Variants in PTPRM observed in about 807,000 individuals in gnomAD.
PTPRM encodes the protein receptor-type tyrosine-protein phosphatase mu.
A neutral mutation model predicts 186.7 loss-of-function variants in PTPRM; 47 were observed. That is an observed-to-expected ratio of 0.25 (90% CI 0.20 to 0.32). The LOEUF (loss-of-function observed/expected upper bound fraction) is 0.32. PTPRM is among the 10% of genes least tolerant of loss of function. The pLI, the probability that PTPRM is intolerant of heterozygous loss-of-function variation, is 1.00. For missense variants in PTPRM, 1,494 were observed against 1,865.0 expected (o/e 0.80, Z 3.66); for synonymous variants, 668 against 674.9 (o/e 0.99, Z 0.16).
rs1176516821 is a variant in PTPRM, at chr18:8,378,251, A to G, written c.3463-14A>G. 3.7e-6 allele frequency: 6 copies of G among 1,603,664 alleles called. No homozygotes were observed. The highest frequency in any genetic ancestry group is 1.7e-5 in the Admixed American group (1 of 59,710). On this transcript the variant is annotated splice_polypyrimidine_tract_variant and intron_variant, in intron 26 of 32. Coordinates refer to ENST00000580170, the MANE Select transcript of PTPRM (RefSeq NM_001105244.2). ...TTCTCTAAAGTTAGTAACTCGTTCCATCTCCTTCTCCAGGAGCAGTATGTG... is the reference window on the plus strand; with the variant it reads ...TTCTCTAAAGTTAGTAACTCGTTCCGTCTCCTTCTCCAGGAGCAGTATGTG...
chr18:7,567,634 T>C lies in PTPRM; in HGVS notation c.-185T>C, dbSNP rs867822723. ...CAGGGGAGGAGGACCCAGGACCCTG[T>C]GCCCGCGCCCCTGGAGCCGCTGGAG... On this transcript the variant is annotated 5_prime_UTR_variant, in exon 1 of 33. Coordinates refer to ENST00000580170, the MANE Select transcript of PTPRM (RefSeq NM_001105244.2). The surrounding 1 kb of genome is among the most constrained non-coding windows in gnomAD (Gnocchi z 4.3). 3.9e-6 allele frequency: 2 copies of C among 517,864 alleles called. No individual in the cohort carries two copies. Among genetic ancestry groups the C allele is most frequent in the Middle Eastern group, 1.0e-3 (2 of 2,008 alleles). The allele number at this position is 517,864 out of a possible 1,614,324, so 32.1% of individuals were successfully genotyped here.
chr18:8,259,575 G>T (rs2094606973), intron 19 of PTPRM, among the ~76,000 whole-genome samples: 1 of 149,258 alleles, frequency 6.7e-6, no homozygotes. Context: ...TGCTGCCTTT[G>T]TCTATATTTG....
chr18:8,228,637 C>T (rs907361162), intron 14 of PTPRM, among the ~76,000 whole-genome samples: 29 of 148,028 alleles, frequency 2.0e-4, no homozygotes, highest in African/African-American at 6.7e-4. Flanking sequence ...GTCAGGAGAT[C>T]GATACCATCC....
In PTPRM at chr18:7,752,755, A is replaced by G. The variant is rs865845468; in HGVS notation, c.74-21394A>G. Among the ~76,000 whole-genome samples the G allele has an allele frequency of 2.8e-4, 43 of 152,102 alleles. No individual in the cohort carries two copies. The South Asian group carries it at 2.9e-3, about 10-fold the overall frequency. ...CCGTGCCTGGCCAATTTTAGATTTT[A>G]TTAATGTTAGACATAGACTCGTGTG... On this transcript the variant is annotated intron_variant, in intron 1 of 32. Coordinates refer to ENST00000580170, the MANE Select transcript of PTPRM (RefSeq NM_001105244.2).
intron 14 of PTPRM, among the ~76,000 whole-genome samples, chr18:8,147,643 T>A (rs2146183793): frequency 6.6e-6 from 1 of 152,208 alleles, no homozygotes; most frequent in East Asian, 1.9e-4. Context: ...TATTTCTTTC[T>A]CTTGCCTGAT....
intron 3 of PTPRM, 91 bp from the exon 4 acceptor site, chr18:7,906,414 A>G (rs868757340): frequency 1.0e-6 from 1 of 972,638 alleles, no homozygotes; most frequent in South Asian, 1.4e-5. Context: ...TGGTGAAAGA[A>G]TAAACGAAAT....
At chr18:8,309,466 G>C (rs1196566838) in intron 20 of PTPRM, among the ~76,000 whole-genome samples, 4 of 151,956 alleles carry the variant, frequency 2.6e-5, no homozygotes, top group African/African-American at 9.7e-5. Context: ...TTTCATAGAA[G>C]TGTGCACACA....
At chr18:8,245,961 A>C (rs2094473279) in intron 15 of PTPRM, among the ~76,000 whole-genome samples, 1 of 152,224 alleles carries the variant, frequency 6.6e-6, no homozygotes, top group African/African-American at 2.4e-5. Context: ...TGCAGAGGCC[A>C]ACGGAGCTTC....
At chr18:8,375,493 C>A (rs530449435) in intron 24 of PTPRM, among the ~76,000 whole-genome samples, 2 of 152,328 alleles carry the variant, frequency 1.3e-5, no homozygotes, top group African/African-American at 4.8e-5. Context: ...AGCTCTCTGA[C>A]CTGTCTAGTT....
At chr18:7,634,664 A>T (rs2038271123) in intron 1 of PTPRM, among the ~76,000 whole-genome samples, 1 of 152,172 alleles carries the variant, frequency 6.6e-6, no homozygotes. Context: ...ATTTGTGAAC[A>T]TCTTTCTCTT....
intron 2 of PTPRM, among the ~76,000 whole-genome samples, chr18:7,882,047 T>C (rs2048534560): frequency 6.6e-6 from 1 of 152,230 alleles, no homozygotes; most frequent in Non-Finnish European, 1.5e-5. Flanking sequence ...CTATATTGTT[T>C]ACTCTTTGCT....
At chr18:8,042,179 T>C (rs1452943733) in intron 7 of PTPRM, among the ~76,000 whole-genome samples, 2 of 152,196 alleles carry the variant, frequency 1.3e-5, no homozygotes, top group Non-Finnish European at 2.9e-5. Flanking sequence ...TGAGTGATTT[T>C]TTTCATTGCT....
intron 1 of PTPRM, among the ~76,000 whole-genome samples, chr18:7,718,413 A>G (rs2040384430): frequency 6.6e-6 from 1 of 152,178 alleles, no homozygotes; most frequent in African/African-American, 2.4e-5. Context: ...AAATCAACTC[A>G]ACATGTATCA....
chr18:7,796,713 G>C (rs1368844922), intron 2 of PTPRM, among the ~76,000 whole-genome samples: 4 of 152,108 alleles, frequency 2.6e-5, no homozygotes, highest in African/African-American at 7.2e-5. Flanking sequence ...ACATCACTGG[G>C]TTCAGATTCA....
intron 14 of PTPRM, among the ~76,000 whole-genome samples, chr18:8,187,431 G>T (rs544928628): frequency 1.3e-5 from 2 of 152,218 alleles, no homozygotes; most frequent in African/African-American, 4.8e-5. Flanking sequence ...TGGGCAAGGC[G>T]GTGGCAGACG....
intron 22 of PTPRM, 66 bp from the exon 23 acceptor site, chr18:8,343,357 G>A (rs1744908888): frequency 6.4e-6 from 9 of 1,408,806 alleles, no homozygotes; most frequent in Admixed American, 1.8e-5. Flanking sequence ...GTATTTGTAA[G>A]CCCCGGAAAT....
At chr18:7,574,043 G>A (rs2036626594) in intron 1 of PTPRM, among the ~76,000 whole-genome samples, 1 of 152,220 alleles carries the variant, frequency 6.6e-6, no homozygotes, top group Admixed American at 6.5e-5. Flanking sequence ...ATGGGATTCT[G>A]ATGTGACCTG....
chr18:7,889,655 A>G (rs1015499008), intron 3 of PTPRM, among the ~76,000 whole-genome samples: 18 of 152,174 alleles, frequency 1.2e-4, no homozygotes, highest in African/African-American at 3.6e-4. Context: ...TTTAGTTTCT[A>G]TATTAAGTAG....
Position 8,406,336 on chromosome 18 carries a change from G to A in PTPRM, c.*174G>A, listed in dbSNP as rs2095906246. On this transcript the variant is annotated 3_prime_UTR_variant, in exon 33 of 33. Coordinates refer to ENST00000580170, the MANE Select transcript of PTPRM (RefSeq NM_001105244.2). ...AAATTGCTTGCACTGCCCAATCCCA[G>A]TAATGCTGCTGCCTGACAGAAACAC... 6.6e-6 allele frequency: 4 copies of A among 606,662 alleles called. No homozygotes were observed. The highest frequency in any genetic ancestry group is 2.9e-5 in the East Asian group (1 of 34,648). The allele number at this position is 606,662 out of a possible 1,614,324, so 37.6% of individuals were successfully genotyped here. A position where few individuals can be genotyped will look rare whatever the true frequency, so the allele number is the denominator to read the frequency against.
Sources: gnomAD v4.1 joint callset for allele counts (sites outside exome capture counted in the v4.1 genomes callset) on GRCh38, gnomAD v4.1.1 for gene constraint, Gnocchi (gnomAD v3.1) non-coding constraint, MANE v1.5 for transcripts, NCBI Gene and HGNC (gene_info 2026-07-23, HGNC 2026-07-21) for gene names.